The following SATL1 variants were observed in gnomAD, a reference collection of about 807,000 sequenced individuals.
SATL1 encodes the protein spermidine/spermine N1-acetyl transferase like 1.
In SATL1, 47 loss-of-function variants were observed where a neutral mutation model predicts 51.8. The ratio of observed to expected loss-of-function variants is 0.91; its 90% confidence interval spans 0.72 to 1.16. The LOEUF (loss-of-function observed/expected upper bound fraction) is 1.16. Ranked by LOEUF, SATL1 falls within the 50% of genes most tolerant of loss-of-function variation. The probability of loss-of-function intolerance (pLI) is 0.00; values close to 1 mark genes in which losing one functional copy is unlikely to be tolerated. For synonymous variants in SATL1, 176 were observed against 182.4 expected (o/e 0.97, Z 0.28); for missense variants, 520 against 526.4 (o/e 0.99, Z 0.12).
intron 2 of SATL1, among the ~76,000 whole-genome samples, chrX:85,190,883 C>G (rs765211963): frequency 9.4e-6 from 1 of 106,325 alleles, no homozygotes; most frequent in African/African-American, 3.5e-5. Flanking sequence ...AACCAAACAC[C>G]GCATGCTCTC....
intron 2 of SATL1, among the ~76,000 whole-genome samples, chrX:85,152,186 C>T (rs1926461745): frequency 8.9e-6 from 1 of 112,106 alleles, no homozygotes; most frequent in African/African-American, 3.2e-5. Flanking sequence ...CAAAAGAAGA[C>T]ATTTATGCAG....
At chrX:85,174,225 A>G (rs1242169207) in intron 2 of SATL1, among the ~76,000 whole-genome samples, 2 of 110,795 alleles carry the variant, frequency 1.8e-5, no homozygotes, top group Non-Finnish European at 3.8e-5. Flanking sequence ...ATAGTGCCGC[A>G]ATAAACATAC....
chrX:85,208,950 T>C (rs760583880), intron 2 of SATL1: 2 of 112,312 alleles, frequency 1.8e-5, no homozygotes, highest in Admixed American at 1.9e-4. Context: ...GCTATTGGTG[T>C]TTTAGTCATG....
At chrX:85,131,775 A>T (rs913346885) in intron 2 of SATL1, among the ~76,000 whole-genome samples, 1 of 111,596 alleles carries the variant, frequency 9.0e-6, no homozygotes, top group Non-Finnish European at 1.9e-5. Context: ...ATGTTTTTGC[A>T]GTGGCTGGTA....
chrX:85,211,692 C>G (rs1409223181), intron 2 of SATL1: 1 of 111,225 alleles, frequency 9.0e-6, no homozygotes, highest in African/African-American at 3.3e-5. Context: ...TCAATTTGCA[C>G]TTACTCTTCA....
chrX:85,181,177 A>ATG lies in SATL1; in HGVS notation c.-313+43026_-313+43027dup, dbSNP rs1299879366. ...CATACACACAGACAGATATATATAT[A>ATG]TGTGTGTGTGTATATATATATATAT... is the stretch of plus-strand genomic sequence containing the variant. On this transcript the variant is annotated intron_variant, in intron 2 of 7. Transcript: ENST00000644105. 2.9e-4 allele frequency among the ~76,000 whole-genome samples: 27 copies of ATG among 91,780 alleles called. No individual in the cohort carries two copies. In the East Asian group the frequency reaches 6.4e-3, roughly 22 times the overall value. 79.7% of individuals were successfully genotyped at this position (91,780 alleles called of 115,157 possible).
intron 2 of SATL1, among the ~76,000 whole-genome samples, chrX:85,190,509 A>G (rs958561575): frequency 6.3e-5 from 7 of 111,472 alleles, no homozygotes; most frequent in Admixed American, 9.6e-5. Flanking sequence ...TCAACAAACT[A>G]TCAACATCGA....
intron 2 of SATL1, among the ~76,000 whole-genome samples, chrX:85,216,079 C>T (rs946827204): frequency 7.2e-5 from 8 of 111,671 alleles, no homozygotes; most frequent in Non-Finnish European, 1.3e-4. Flanking sequence ...CAATCTGTTT[C>T]CACTAATGGC....
chrX:85,134,974 C>A (rs1175123460), intron 2 of SATL1, among the ~76,000 whole-genome samples: 2 of 111,732 alleles, frequency 1.8e-5, no homozygotes, highest in Non-Finnish European at 1.9e-5. Flanking sequence ...GAGAGATAAC[C>A]CATGGAATAC....
At chrX:85,202,933 G>A (rs192792559) in intron 2 of SATL1, among the ~76,000 whole-genome samples, 36 of 112,136 alleles carry the variant, frequency 3.2e-4, no homozygotes, top group African/African-American at 1.1e-3. Flanking sequence ...TGGGGCCTCT[G>A]TCCAGAGAGT....
At chrX:85,151,041 T>C (rs1450728692) in intron 2 of SATL1, among the ~76,000 whole-genome samples, 3 of 110,084 alleles carry the variant, frequency 2.7e-5, no homozygotes, top group African/African-American at 9.9e-5. Context: ...TGTTTGCAGA[T>C]GACATGATTG....
intron 2 of SATL1, among the ~76,000 whole-genome samples, chrX:85,204,847 CA>C (rs199970590): frequency 9.0e-6 from 1 of 111,252 alleles, no homozygotes; most frequent in African/African-American, 3.3e-5. Flanking sequence ...AATCTTCAAA[CA>C]AAAAAAGTAA....
intron 2 of SATL1, chrX:85,142,707 A>G (rs1222734664): frequency 9.0e-6 from 1 of 111,731 alleles, no homozygotes; most frequent in Admixed American, 9.5e-5. Context: ...GGTGACTTAG[A>G]TGGAAAATAT....
chrX:85,175,717 A>C (rs1472978393), intron 2 of SATL1, among the ~76,000 whole-genome samples: 1 of 111,272 alleles, frequency 9.0e-6, no homozygotes, highest in African/African-American at 3.3e-5. Context: ...GCTTAAAAAA[A>C]ATGAGGAGAG....
chrX:85,217,254 A>ACCT (rs1441889842), intron 2 of SATL1, among the ~76,000 whole-genome samples: 2 of 111,315 alleles, frequency 1.8e-5, no homozygotes, highest in Non-Finnish European at 3.8e-5. Flanking sequence ...CCTGTGGTGC[A>ACCT]GTGTGTGTAT....
chrX:85,161,453 G>A (rs2147728527), intron 2 of SATL1, among the ~76,000 whole-genome samples: 1 of 98,059 alleles, frequency 1.0e-5, no homozygotes, highest in East Asian at 3.2e-4. Context: ...TCAAAATAAA[G>A]CAATGGAAAA....
intron 2 of SATL1, among the ~76,000 whole-genome samples, chrX:85,191,707 G>A (rs1602901162): frequency 9.0e-6 from 1 of 111,605 alleles, no homozygotes; most frequent in South Asian, 3.7e-4. Flanking sequence ...AAGATAAAAT[G>A]TATTTACTAT....
chrX:85,187,718 G>T (rs766667280), intron 2 of SATL1, among the ~76,000 whole-genome samples: 1 of 111,457 alleles, frequency 9.0e-6, no homozygotes, highest in South Asian at 3.7e-4. Context: ...GTTTTCATTT[G>T]TTAGTATTTT....
intron 2 of SATL1, among the ~76,000 whole-genome samples, chrX:85,122,475 A>G (rs780599823): frequency 8.1e-5 from 9 of 111,122 alleles, no homozygotes; most frequent in South Asian, 3.8e-4. Context: ...ACTTATCACC[A>G]TGAGTTAAAA....
Sources: gnomAD v4.1 joint callset for allele counts (sites outside exome capture counted in the v4.1 genomes callset) on GRCh38, gnomAD v4.1.1 for gene constraint, MANE v1.5 for transcripts, NCBI Gene and HGNC (gene_info 2026-07-23, HGNC 2026-07-21) for gene names.